Variants in CNTNAP4 observed in about 807,000 individuals in gnomAD.
The protein encoded by CNTNAP4 is contactin-associated protein-like 4.
A neutral mutation model predicts 148.4 loss-of-function variants in CNTNAP4; 98 were observed. That is an observed-to-expected ratio of 0.66 (90% CI 0.56 to 0.78). The LOEUF (loss-of-function observed/expected upper bound fraction) is 0.78. Ranked by LOEUF, CNTNAP4 falls within the 30% of genes least tolerant of loss-of-function variation. The pLI is 0.00. For synonymous variants in CNTNAP4, 730 were observed against 565.1 expected, an observed-to-expected ratio of 1.29 and a Z score of -4.14; for missense variants, 1,935 against 1,565.6, an observed-to-expected ratio of 1.24 and a Z score of -3.98.
At chr16:76,277,770 A>C in intron 1 of CNTNAP4, 23 bp downstream of exon 1, 1 of 1,458,018 alleles carries the variant, frequency 6.9e-7, no homozygotes, top group Non-Finnish European at 9.5e-7. Context: ...CAAATGATTT[A>C]AAACTTGCTG....
intron 2 of CNTNAP4, among the ~76,000 whole-genome samples, chr16:76,333,467 C>G (rs551023648): frequency 4.5e-4 from 68 of 152,104 alleles, no homozygotes; most frequent in African/African-American, 1.6e-3. Flanking sequence ...TATTGATGAC[C>G]TCTATTTGTT....
At chr16:76,492,949 C>CTTTT (rs5817996) in intron 13 of CNTNAP4, among the ~76,000 whole-genome samples, 1 of 148,600 alleles carries the variant, frequency 6.7e-6, no homozygotes, top group Admixed American at 6.7e-5. Context: ...TGCTTGCACA[C>CTTTT]TTTTTTTTTT....
At chr16:76,325,727 GAAC>G (rs1962902132) in intron 2 of CNTNAP4, among the ~76,000 whole-genome samples, 1 of 151,422 alleles carries the variant, frequency 6.6e-6, no homozygotes, top group African/African-American at 2.4e-5. Flanking sequence ...ACTACAAAAA[GAAC>G]AACAAATTAA....
intron 15 of CNTNAP4, among the ~76,000 whole-genome samples, chr16:76,504,530 G>C (rs1380463512): frequency 6.6e-6 from 1 of 151,948 alleles, no homozygotes. Context: ...GAAAATACAA[G>C]GGAAAATCTT....
chr16:76,502,645 T>C (rs1159895394), intron 15 of CNTNAP4, among the ~76,000 whole-genome samples: 1 of 152,142 alleles, frequency 6.6e-6, no homozygotes, highest in African/African-American at 2.4e-5. Context: ...AACTAGGCAA[T>C]GATTGGCATG....
intron 15 of CNTNAP4, among the ~76,000 whole-genome samples, chr16:76,514,160 G>C (rs903112527): frequency 6.6e-6 from 1 of 152,116 alleles, no homozygotes; most frequent in African/African-American, 2.4e-5. Context: ...AGGCTCTCTC[G>C]TCTGATGCCC....
At chr16:76,422,704 C>G (rs1228493093) in intron 3 of CNTNAP4, among the ~76,000 whole-genome samples, 1 of 150,570 alleles carries the variant, frequency 6.6e-6, no homozygotes, top group Non-Finnish European at 1.5e-5. Flanking sequence ...CACATAACCT[C>G]TATAATTTTC....
At chr16:76,320,875 TAAATA>T (rs1204761699) in intron 2 of CNTNAP4, among the ~76,000 whole-genome samples, 1 of 152,186 alleles carries the variant, frequency 6.6e-6, no homozygotes, top group Non-Finnish European at 1.5e-5. Context: ...AATACAATAG[TAAATA>T]AAATGATTGT....
At chr16:76,506,537 G>A (rs1490269439) in intron 15 of CNTNAP4, among the ~76,000 whole-genome samples, 1 of 70,640 alleles carries the variant, frequency 1.4e-5, no homozygotes, top group African/African-American at 3.1e-5. Context: ...CTGGAATGCA[G>A]TTGGCTCATT....
At chr16:76,286,392 G>A (rs1055576194) in intron 1 of CNTNAP4, among the ~76,000 whole-genome samples, 34 of 151,978 alleles carry the variant, frequency 2.2e-4, no homozygotes, top group Non-Finnish European at 3.5e-4. Flanking sequence ...ACCAGTATGT[G>A]GGATTAAAAA....
chr16:76,445,882 A>C (rs9939341), intron 4 of CNTNAP4, among the ~76,000 whole-genome samples: 2 of 152,132 alleles, frequency 1.3e-5, no homozygotes, highest in Non-Finnish European at 2.9e-5. Context: ...AGTCTGTCTT[A>C]CTGGAATTTT....
At chr16:76,555,253 C>G (rs1490916548) in intron 23 of CNTNAP4, among the ~76,000 whole-genome samples, 1 of 152,026 alleles carries the variant, frequency 6.6e-6, no homozygotes, top group Non-Finnish European at 1.5e-5. Context: ...TATTAACTCC[C>G]CCATGCTATT....
intron 3 of CNTNAP4, among the ~76,000 whole-genome samples, chr16:76,411,928 G>C (rs1166190225): frequency 6.6e-6 from 1 of 151,320 alleles, no homozygotes; most frequent in African/African-American, 2.4e-5. Context: ...ACATATTATT[G>C]TAACTTTCAT....
At chr16:76,345,885 A>C (rs959238341) in intron 2 of CNTNAP4, among the ~76,000 whole-genome samples, 5 of 152,290 alleles carry the variant, frequency 3.3e-5, no homozygotes, top group Middle Eastern at 6.8e-3. Context: ...AGTTGAGTTG[A>C]GGGCAATGTT....
At chr16:76,328,536 G>C (rs768154738) in intron 2 of CNTNAP4, among the ~76,000 whole-genome samples, 3 of 152,152 alleles carry the variant, frequency 2.0e-5, no homozygotes, top group African/African-American at 7.2e-5. Flanking sequence ...ACGCAGAAAG[G>C]ACATTTAGTA....
intron 3 of CNTNAP4, among the ~76,000 whole-genome samples, chr16:76,374,624 C>G (rs17699297): frequency 0.43 from 64,935 of 151,620 alleles, 14,177 homozygotes; most frequent in Non-Finnish European, 0.46. Flanking sequence ...TATGTACACA[C>G]AAACATTGAA....
chr16:76,486,539 C>T (rs746343970), intron 12 of CNTNAP4, among the ~76,000 whole-genome samples: 1 of 151,926 alleles, frequency 6.6e-6, no homozygotes, highest in Non-Finnish European at 1.5e-5. Context: ...GAAACAGTGC[C>T]TGTATTTCTA....
chr16:76,482,062 A>G (rs1372255280), intron 12 of CNTNAP4, among the ~76,000 whole-genome samples: 1 of 151,878 alleles, frequency 6.6e-6, no homozygotes, highest in African/African-American at 2.4e-5. Context: ...GTGGGATGCA[A>G]TCTGACTTCC....
chr16:76,521,109 T>C, intron 15 of CNTNAP4, 31 bp from the exon 16 acceptor site: 1 of 1,280,844 alleles, frequency 7.8e-7, no homozygotes, highest in Non-Finnish European at 1.0e-6. Context: ...TCTTTCTGAA[T>C]TTTTTTTTCT....
Sources: gnomAD v4.1 joint callset for allele counts (sites outside exome capture counted in the v4.1 genomes callset) on GRCh38, gnomAD v4.1.1 for gene constraint, MANE v1.5 for transcripts, NCBI Gene and HGNC (gene_info 2026-07-23, HGNC 2026-07-21) for gene names.